Variants in ANK3 observed in about 807,000 individuals in gnomAD.
ANK3 encodes the protein ankyrin 3.
Under a neutral mutation model 370.9 loss-of-function variants are expected in ANK3, and 57 were observed. The observed-to-expected ratio is 0.15, with a 90% CI of 0.12 to 0.19. The LOEUF (loss-of-function observed/expected upper bound fraction) is 0.19. ANK3 is among the 10% of genes least tolerant of loss of function. ANK3 has a pLI of 1.00. For synonymous variants in ANK3, 1,929 were observed against 1,946.3 expected (o/e 0.99, Z 0.23); for missense variants, 4,439 against 5,302.1 (o/e 0.84, Z 5.06).
chr10:60,326,149 G>C (rs1397728684), intron 1 of ANK3, among the ~76,000 whole-genome samples: 2 of 152,086 alleles, frequency 1.3e-5, no homozygotes, highest in Non-Finnish European at 2.9e-5. Context: ...TGGGAGGAGA[G>C]AGAGGATCTG....
chr10:60,496,361 T>C (rs2075656130), intron 2 of ANK3, among the ~76,000 whole-genome samples: 1 of 152,192 alleles, frequency 6.6e-6, no homozygotes, highest in South Asian at 2.1e-4. Flanking sequence ...ATGACAGAAT[T>C]GTGAATGAGG....
At chr10:60,272,640 C>T (rs573363843) in intron 4 of ANK3, among the ~76,000 whole-genome samples, 16 of 152,172 alleles carry the variant, frequency 1.1e-4, no homozygotes, top group African/African-American at 1.7e-4. Flanking sequence ...CCACCTCGCC[C>T]GGCTAATTTT....
chr10:60,385,504 G>A (rs749927790), intron 1 of ANK3, among the ~76,000 whole-genome samples: 1 of 151,826 alleles, frequency 6.6e-6, no homozygotes, highest in Non-Finnish European at 1.5e-5. Context: ...GATTGGCTTT[G>A]TCTCCAACAT....
intron 2 of ANK3, among the ~76,000 whole-genome samples, chr10:60,400,891 T>C (rs982257934): frequency 6.6e-6 from 1 of 152,080 alleles, no homozygotes; most frequent in Non-Finnish European, 1.5e-5. Flanking sequence ...CAGGCCCCAG[T>C]GTGTGAAGTG....
intron 1 of ANK3, among the ~76,000 whole-genome samples, chr10:60,326,764 G>A (rs1006862059): frequency 1.3e-5 from 2 of 152,170 alleles, no homozygotes; most frequent in Non-Finnish European, 2.9e-5. Flanking sequence ...ACTCATGCCT[G>A]TAATCCCAGC....
intron 2 of ANK3, among the ~76,000 whole-genome samples, chr10:60,427,617 A>G (rs2063918098): frequency 1.3e-5 from 2 of 152,156 alleles, no homozygotes; most frequent in Non-Finnish European, 2.9e-5. Context: ...TTTCAAAAGA[A>G]CATTATCCAA....
chr10:60,591,994 A>G (rs938738507), intron 2 of ANK3, among the ~76,000 whole-genome samples: 3 of 152,160 alleles, frequency 2.0e-5, no homozygotes, highest in Non-Finnish European at 4.4e-5. Context: ...GAAAGAATAA[A>G]TAAGACCTAC....
chr10:60,398,840 A>G (rs1423552520), intron 2 of ANK3, among the ~76,000 whole-genome samples: 3 of 152,186 alleles, frequency 2.0e-5, no homozygotes, highest in African/African-American at 7.2e-5. Flanking sequence ...ACAGTGTCAT[A>G]AACACAATGC....
intron 1 of ANK3, among the ~76,000 whole-genome samples, chr10:60,648,158 C>CATT (rs1554800551): frequency 9.8e-6 from 1 of 101,582 alleles, no homozygotes; most frequent in African/African-American, 3.9e-5. Flanking sequence ...TTTTTTTTTC[C>CATT]TTTTTTTTTT....
At chr10:60,296,693 T>C (rs1224608079) in intron 1 of ANK3, among the ~76,000 whole-genome samples, 1 of 152,136 alleles carries the variant, frequency 6.6e-6, no homozygotes. Context: ...TGTTTAAAAG[T>C]CTACAGTAGG....
chr10:60,115,255 T>C (rs1167663168), intron 25 of ANK3, among the ~76,000 whole-genome samples: 1 of 152,220 alleles, frequency 6.6e-6, no homozygotes, highest in Non-Finnish European at 1.5e-5. Context: ...GTGTGAGCTT[T>C]CACCAGGGCT....
intron 2 of ANK3, among the ~76,000 whole-genome samples, chr10:60,479,207 G>A (rs898113327): frequency 2.6e-5 from 4 of 151,952 alleles, no homozygotes; most frequent in East Asian, 3.9e-4. Context: ...ACCACATAAC[G>A]TTTCAATGAT....
At chr10:60,124,585 A>G (rs1416483790) in intron 25 of ANK3, among the ~76,000 whole-genome samples, 2 of 152,200 alleles carry the variant, frequency 1.3e-5, no homozygotes, top group African/African-American at 4.8e-5. Flanking sequence ...TCACAGGGAG[A>G]AGTCAGAGCT....
chr10:60,280,340 TG>T (rs1219215114), intron 1 of ANK3, among the ~76,000 whole-genome samples: 1 of 152,216 alleles, frequency 6.6e-6, no homozygotes, highest in African/African-American at 2.4e-5. Context: ...ATTATAGGCA[TG>T]ATCCCAACTT....
At chr10:60,172,672 C>T (rs2095824415) in intron 20 of ANK3, among the ~76,000 whole-genome samples, 3 of 152,182 alleles carry the variant, frequency 2.0e-5, no homozygotes. Flanking sequence ...TACATGTGTA[C>T]TTCCTACTAG....
chr10:60,040,160 A>C (rs1313341370), intron 43 of ANK3, among the ~76,000 whole-genome samples: 2 of 152,228 alleles, frequency 1.3e-5, no homozygotes, highest in African/African-American at 4.8e-5. Flanking sequence ...CTATGACTCA[A>C]TATTAAAGAA....
chr10:60,134,493 T>C lies in ANK3; in HGVS notation c.2739-120A>G, dbSNP rs115897776. ...GGCTAAAAATATCAACAAAAGTTGT[T>C]CTTGAAAGGACATAGTGAAAAGTAA... On this transcript the variant is annotated intron_variant, in intron 24 of 43. Coordinates refer to ENST00000280772, the MANE Select transcript of ANK3 (RefSeq NM_020987.5). The C allele has an allele frequency of 2.7e-3, 1,811 of 663,660 alleles. 31 individuals are homozygous for C. In the African/African-American group the frequency reaches 0.03, roughly 11 times the overall value. 41.1% of individuals were successfully genotyped at this position (663,660 alleles called of 1,614,324 possible).
chr10:60,476,237 T>C (rs1032447054), intron 2 of ANK3, among the ~76,000 whole-genome samples: 4 of 152,280 alleles, frequency 2.6e-5, no homozygotes, highest in East Asian at 1.9e-4. Flanking sequence ...TCCAAAATCA[T>C]GTTCATAATG....
chr10:60,594,258 T>C (rs769058026), intron 2 of ANK3, among the ~76,000 whole-genome samples: 1 of 152,174 alleles, frequency 6.6e-6, no homozygotes, highest in Non-Finnish European at 1.5e-5. Flanking sequence ...TTTGTAAAGA[T>C]TGTTATAGCA....
Sources: gnomAD v4.1 joint callset for allele counts (sites outside exome capture counted in the v4.1 genomes callset) on GRCh38, gnomAD v4.1.1 for gene constraint, MANE v1.5 for transcripts, NCBI Gene and HGNC (gene_info 2026-07-23, HGNC 2026-07-21) for gene names.